Variants in SP140 observed in about 807,000 individuals in gnomAD.
SP140 encodes the protein SP140 nuclear body protein.
Under a neutral mutation model 125.0 loss-of-function variants are expected in SP140, and 81 were observed. The observed-to-expected ratio is 0.65, with a 90% CI of 0.54 to 0.78. The LOEUF is 0.78. SP140 is among the 30% of genes least tolerant of loss of function. The pLI is 0.00. For missense variants in SP140, 858 were observed against 1,037.0 expected (o/e 0.83, Z 2.37); for synonymous variants, 312 against 354.0 (o/e 0.88, Z 1.33).
intron 15 of SP140, among the ~76,000 whole-genome samples, chr2:230,272,293 T>C (rs1346256139): frequency 1.3e-5 from 2 of 152,140 alleles, no homozygotes; most frequent in Non-Finnish European, 2.9e-5. Context: ...GCTGGAGATA[T>C]CATGCTACCC....
At chr2:230,206,229 C>T (rs892397997) in intron 1 of SP140, among the ~76,000 whole-genome samples, 1 of 152,094 alleles carries the variant, frequency 6.6e-6, no homozygotes, top group Non-Finnish European at 1.5e-5. Context: ...GTTATCACCT[C>T]CCATTCATTA....
intron 22 of SP140, among the ~76,000 whole-genome samples, chr2:230,302,607 A>G (rs1052946441): frequency 6.6e-6 from 1 of 152,198 alleles, no homozygotes; most frequent in Non-Finnish European, 1.5e-5. Context: ...CAGAACATAC[A>G]TTCTTTTCAT....
chr2:230,306,515 G>T lies in SP140; in HGVS notation c.2059-3409G>T, dbSNP rs184828543. On this transcript the variant is annotated intron_variant, in intron 22 of 26. Transcript: ENST00000392045. ...GTGCCCAGGTTGCAGCTGTAGGCCTGGGCCTCCCAGTGCTCTTGGGGGCCC... is the reference window on the plus strand; with the variant it reads ...GTGCCCAGGTTGCAGCTGTAGGCCTTGGCCTCCCAGTGCTCTTGGGGGCCC... Among the ~76,000 whole-genome samples, 1,363 of 152,364 alleles carry T rather than the reference G, an allele frequency of 8.9e-3. 6 individuals are homozygous for T. The highest frequency in any genetic ancestry group is 0.016 in the South Asian group (79 of 4,834).
At chr2:230,200,958 A>G (rs749437023), upstream of SP140, 9 of 1,612,712 alleles carry the variant, frequency 5.6e-6, no homozygotes, top group East Asian at 1.8e-4. Context: ...AAGTGCCATC[A>G]ATGATCTCTG....
At chr2:230,220,091 C>A in intron 3 of SP140, 1 of 985,524 alleles carries the variant, frequency 1.0e-6, no homozygotes, top group Non-Finnish European at 1.2e-6. Flanking sequence ...TGCAGCCTCT[C>A]TCCACCTCCT....
At chr2:230,273,345 G>A (rs561968241) in intron 15 of SP140, among the ~76,000 whole-genome samples, 2 of 152,266 alleles carry the variant, frequency 1.3e-5, no homozygotes, top group East Asian at 3.9e-4. Flanking sequence ...ATGAAACAAA[G>A]CTCAACATCA....
At chr2:230,287,363 G>A (rs2056518735) in intron 17 of SP140, among the ~76,000 whole-genome samples, 1 of 152,144 alleles carries the variant, frequency 6.6e-6, no homozygotes, top group Non-Finnish European at 1.5e-5. Flanking sequence ...ACCTAATAGG[G>A]TTTCCCTTAA....
intron 22 of SP140, among the ~76,000 whole-genome samples, chr2:230,305,111 T>C (rs2058632673): frequency 6.6e-6 from 1 of 152,114 alleles, no homozygotes; most frequent in African/African-American, 2.4e-5. Flanking sequence ...GAATAGACAA[T>C]TCTCAAAAGA....
At chr2:230,315,932 T>C (rs1434365143), downstream of SP140, among the ~76,000 whole-genome samples, 1 of 152,194 alleles carries the variant, frequency 6.6e-6, no homozygotes, top group Non-Finnish European at 1.5e-5. Flanking sequence ...TAGCACAGCC[T>C]TAGCAAGTGA....
rs1378784167 is a variant in SP140 at position 230,292,727 on chromosome 2, G to A, written c.1907G>A (p.Arg636Lys). ...TTTGAAATCAAAGGAGGCCATGCAA[G>A]ATCAAAGAACTGGAGGCTGAGTGTG... ...TEFEIKGGHA[R>K]SKNWRLSVRC... Residue 636 changes from arginine (R) to lysine (K), a missense_variant, in exon 20 of 27, where the codon AGA becomes AAA. Coordinates refer to ENST00000392045, the MANE Select transcript of SP140 (RefSeq NM_007237.5). The A allele has an allele frequency of 6.2e-7, 1 of 1,614,260 alleles. No individual in the cohort carries two copies. The highest frequency in any genetic ancestry group is 1.7e-5 in the Admixed American group (1 of 60,034).
At chr2:230,221,818 A>G, upstream of SP140, 1 of 1,208,550 alleles carries the variant, frequency 8.3e-7, no homozygotes, top group South Asian at 1.3e-5. Context: ...ATGCAAAACA[A>G]ACAAACAAAA....
At chr2:230,255,612 GA>G (rs1399200028) in intron 12 of SP140, 80 bp downstream of exon 12, 1 of 1,312,058 alleles carries the variant, frequency 7.6e-7, no homozygotes, top group Non-Finnish European at 1.1e-6. Context: ...TTTCCTGATT[GA>G]CTTTCCTCTG....
chr2:230,211,997 AT>A lies in SP140; in HGVS notation c.-322-1653del, dbSNP rs2044535115. Among the ~76,000 whole-genome samples the A allele has an allele frequency of 2.0e-5, 3 of 152,164 alleles. No individual in the cohort carries two copies. Among genetic ancestry groups the A allele is most frequent in the Non-Finnish European group, 4.4e-5 (3 of 68,028 alleles). ...TATTAGGTCTAGCAGACCTTTAAAC[AT>A]TTTATCATCTTTTCTAGTAATTTTG... is the stretch of plus-strand genomic sequence containing the variant. On this transcript the variant is annotated intron_variant, in intron 1 of 4. Coordinates refer to the SP140 transcript ENST00000456542. The surrounding 1 kb of genome is among the most constrained non-coding windows in gnomAD (Gnocchi z 4.2).
At chr2:230,210,145 C>A (rs1006171496) in intron 1 of SP140, 18 of 741,968 alleles carry the variant, frequency 2.4e-5, no homozygotes, top group East Asian at 7.4e-5. Flanking sequence ...TAAGAATTCC[C>A]TGGCTCTGTC....
chr2:230,254,292 T>A (rs2050816067), intron 11 of SP140, among the ~76,000 whole-genome samples: 1 of 152,138 alleles, frequency 6.6e-6, no homozygotes, highest in African/African-American at 2.4e-5. Flanking sequence ...AGCAGCAACA[T>A]CCAGCAAACG....
At chr2:230,275,368 AT>A (rs1477528961) in intron 15 of SP140, among the ~76,000 whole-genome samples, 1 of 152,134 alleles carries the variant, frequency 6.6e-6, no homozygotes, top group Non-Finnish European at 1.5e-5. Context: ...TCTCTGTCAC[AT>A]TTTGGTAATT....
chr2:230,236,021 C>T (rs1278995343), intron 1 of SP140, among the ~76,000 whole-genome samples: 1 of 152,012 alleles, frequency 6.6e-6, no homozygotes, highest in Non-Finnish European at 1.5e-5. Flanking sequence ...GGACTACAGG[C>T]ACCTGCCACC....
chr2:230,199,880 G>A (rs940574373), upstream of SP140, among the ~76,000 whole-genome samples: 10 of 152,220 alleles, frequency 6.6e-5, no homozygotes, highest in South Asian at 2.1e-4. Flanking sequence ...TATGGAGAAC[G>A]ATGGCTCCTG....
chr2:230,212,208 T>C, intron 1 of SP140: 1 of 710,318 alleles, frequency 1.4e-6, no homozygotes, highest in Non-Finnish European at 2.5e-6. Context: ...GTTGGTGAAT[T>C]GGCCCCTTCT....
Sources: allele counts gnomAD v4.1 joint callset (sites outside exome capture counted in the v4.1 genomes callset), GRCh38; gene constraint gnomAD v4.1.1; non-coding constraint Gnocchi (gnomAD v3.1); transcripts MANE v1.5; gene names NCBI Gene and HGNC (gene_info 2026-07-23, HGNC 2026-07-21).